Variants in NBAS observed in about 807,000 individuals in gnomAD.
NBAS encodes NBAS subunit of NRZ tethering complex, also known as NAG/BC035112 fusion.
In NBAS, 219 loss-of-function variants were observed where a neutral mutation model predicts 302.5. The ratio of observed to expected loss-of-function variants is 0.72; its 90% CI spans 0.65 to 0.81. The LOEUF is 0.81. Ranked by LOEUF, NBAS falls within the 30% of genes least tolerant of loss-of-function variation. The probability of loss-of-function intolerance (pLI) is 0.00; values close to 1 mark genes in which losing one functional copy is unlikely to be tolerated. For synonymous variants in NBAS, 1,118 were observed against 1,021.6 expected (o/e 1.09, Z -1.80); for missense variants, 2,932 against 2,841.6 (o/e 1.03, Z -0.72).
At chr2:14,872,034 T>C in the NBAS span, among the ~76,000 whole-genome samples, 3 of 152,070 alleles carry the variant, frequency 2.0e-5, no homozygotes, top group Admixed American at 6.5e-5. Context: ...CATTTACATA[T>C]AAAAACAGAC....
chr2:15,287,659 C>T (rs563995311), intron 41 of NBAS, among the ~76,000 whole-genome samples: 1 of 151,852 alleles, frequency 6.6e-6, no homozygotes, highest in East Asian at 2.0e-4. Context: ...CCCCGAGCAC[C>T]ATGTGTAGGC....
rs529106800 is a variant in NBAS, at chr2:15,270,852, T to G, written c.5724+4632A>C. Among the ~76,000 whole-genome samples, 21 of 152,328 alleles carry G rather than the reference T, an allele frequency of 1.4e-4. 1 individual carries two copies. In the South Asian group the frequency reaches 3.9e-3, roughly 29 times the overall value. On this transcript the variant is annotated intron_variant, in intron 44 of 51. Coordinates refer to ENST00000281513, the MANE Select transcript of NBAS (RefSeq NM_015909.4). ...AATACCATATATGGCACATAGCAAA[T>G]GCCTAAATACTTCATGATTCACTCT...
intron 40 of NBAS, among the ~76,000 whole-genome samples, chr2:15,293,471 A>G (rs1670410640): frequency 6.6e-6 from 1 of 152,188 alleles, no homozygotes; most frequent in African/African-American, 2.4e-5. Flanking sequence ...AGGAAAGGAG[A>G]GTAAGTGATT....
the NBAS span, among the ~76,000 whole-genome samples, chr2:15,067,099 G>T: frequency 7.2e-6 from 1 of 139,270 alleles, no homozygotes; most frequent in East Asian, 2.2e-4. Context: ...AAGGCGGGTG[G>T]ATTACTTGAG....
At chr2:15,559,103 G>A (rs1196525036) in intron 1 of NBAS, among the ~76,000 whole-genome samples, 2 of 143,858 alleles carry the variant, frequency 1.4e-5, no homozygotes, top group African/African-American at 5.0e-5. Context: ...CACAGGACGC[G>A]GGACAATAGG....
At chr2:15,059,360 C>A in the NBAS span, among the ~76,000 whole-genome samples, 1 of 151,552 alleles carries the variant, frequency 6.6e-6, no homozygotes, top group African/African-American at 2.4e-5. Context: ...TGGATTTTTT[C>A]TTTTTTTTTA....
chr2:15,327,135 C>A (rs1297448327), intron 38 of NBAS, among the ~76,000 whole-genome samples: 1 of 152,088 alleles, frequency 6.6e-6, no homozygotes, highest in Non-Finnish European at 1.5e-5. Context: ...CCCTTTTCTT[C>A]CTCGCTGACA....
At chr2:15,095,660 G>A in the NBAS span, among the ~76,000 whole-genome samples, 23 of 152,166 alleles carry the variant, frequency 1.5e-4, no homozygotes, top group African/African-American at 5.3e-4. Flanking sequence ...CCACAGTGTG[G>A]AGGCACGGAC....
At chr2:15,310,668 A>G (rs1021560911) in intron 38 of NBAS, among the ~76,000 whole-genome samples, 1 of 152,186 alleles carries the variant, frequency 6.6e-6, no homozygotes, top group South Asian at 2.1e-4. Flanking sequence ...CATGCCCGTA[A>G]TCTCAACACT....
chr2:15,430,866 G>A (rs1365789885), intron 21 of NBAS, among the ~76,000 whole-genome samples: 1 of 151,940 alleles, frequency 6.6e-6, no homozygotes, highest in African/African-American at 2.4e-5. Context: ...GAGTGCAGTG[G>A]CACAATCTCA....
chr2:15,286,989 A>G (rs1330126954), intron 42 of NBAS, 84 bp downstream of exon 42: 2 of 1,133,294 alleles, frequency 1.8e-6, no homozygotes, highest in Non-Finnish European at 2.7e-6. Context: ...CTAAAATTGT[A>G]CTTTACAACT....
intron 44 of NBAS, among the ~76,000 whole-genome samples, chr2:15,271,921 C>CA (rs1226123496): frequency 6.6e-6 from 1 of 151,786 alleles, no homozygotes; most frequent in Non-Finnish European, 1.5e-5. Flanking sequence ...ACAACAACAA[C>CA]AAAAAAAAGC....
chr2:15,468,616 C>CTAT, intron 16 of NBAS, 83 bp from the exon 17 acceptor site: 1 of 1,480,588 alleles, frequency 6.8e-7, no homozygotes, highest in Non-Finnish European at 9.4e-7. Flanking sequence ...AATTGTAAAG[C>CTAT]TATACCTGAT....
At chr2:14,836,514 T>G in the NBAS span, among the ~76,000 whole-genome samples, 1 of 151,888 alleles carries the variant, frequency 6.6e-6, no homozygotes, top group African/African-American at 2.4e-5. Flanking sequence ...TATCCAATCG[T>G]TGCAGCAACA....
chr2:15,090,414 G>T, the NBAS span, among the ~76,000 whole-genome samples: 8 of 152,198 alleles, frequency 5.3e-5, no homozygotes, highest in Non-Finnish European at 1.2e-4. Flanking sequence ...TCATATTCTG[G>T]TATCTGTATA....
At chr2:15,212,940 G>T (rs1293410065) in intron 48 of NBAS, among the ~76,000 whole-genome samples, 3 of 152,114 alleles carry the variant, frequency 2.0e-5, no homozygotes, top group African/African-American at 7.2e-5. Context: ...AACTAATACG[G>T]TATCTAAACC....
intron 25 of NBAS, among the ~76,000 whole-genome samples, chr2:15,402,654 T>C (rs191134372): frequency 1.3e-5 from 2 of 152,252 alleles, no homozygotes; most frequent in East Asian, 3.9e-4. Flanking sequence ...GTGTTTCAGT[T>C]ACAAAGTTAT....
At chr2:15,333,605 T>C (rs1672447341) in intron 35 of NBAS, among the ~76,000 whole-genome samples, 1 of 152,098 alleles carries the variant, frequency 6.6e-6, no homozygotes, top group South Asian at 2.1e-4. Flanking sequence ...TATTTTCCAA[T>C]TAAATGTATA....
intron 44 of NBAS, among the ~76,000 whole-genome samples, chr2:15,255,231 A>G (rs1668540148): frequency 6.6e-6 from 1 of 152,036 alleles, no homozygotes; most frequent in African/African-American, 2.4e-5. Context: ...AACATCTATT[A>G]TTTTTTGATT....
Sources: allele counts gnomAD v4.1 joint callset (sites outside exome capture counted in the v4.1 genomes callset), GRCh38; gene constraint gnomAD v4.1.1; transcripts MANE v1.5; gene names NCBI Gene and HGNC (gene_info 2026-07-23, HGNC 2026-07-21).